Variants in SVOPL observed in about 807,000 individuals in gnomAD.
SVOPL encodes SVOP like.
In SVOPL, 60 loss-of-function variants were observed where a neutral mutation model predicts 61.0. The observed-to-expected ratio is 0.98, with a 90% confidence interval of 0.80 to 1.22. The LOEUF is 1.22. Ranked by LOEUF, SVOPL falls within the 50% of genes most tolerant of loss-of-function variation. SVOPL has a pLI of 0.00. For missense variants in SVOPL, 662 were observed against 643.9 expected, an observed-to-expected ratio of 1.03 and a Z score of -0.30; for synonymous variants, 279 against 250.0, an observed-to-expected ratio of 1.12 and a Z score of -1.09.
chr7:138,635,873 C>T (rs1271904003), intron 9 of SVOPL, among the ~76,000 whole-genome samples: 1 of 151,646 alleles, frequency 6.6e-6, no homozygotes, highest in Non-Finnish European at 1.5e-5. Context: ...CTTCAGAGAA[C>T]AACCACAAAA....
At chr7:138,646,823 G>A (rs1454048690) in intron 8 of SVOPL, among the ~76,000 whole-genome samples, 2 of 152,142 alleles carry the variant, frequency 1.3e-5, no homozygotes, top group Non-Finnish European at 2.9e-5. Context: ...CTGGCCAGCA[G>A]AAAGTCTTAG....
intron 14 of SVOPL, among the ~76,000 whole-genome samples, chr7:138,611,091 C>A (rs1798978243): frequency 6.6e-6 from 1 of 152,164 alleles, no homozygotes; most frequent in East Asian, 1.9e-4. Flanking sequence ...CTGATTAAAA[C>A]CTTGGCCGGG....
At position 138,649,086 on chromosome 7, in the gene SVOPL, T is replaced by A. The variant is rs370834594; in HGVS notation, c.586A>T (p.Ile196Phe). 8.7e-6 allele frequency: 14 copies of A among 1,612,808 alleles called. No homozygotes were observed. The African/African-American group carries it at 1.7e-4, about 20-fold the overall frequency. ...AGCCAGCGCCACCCGATGGTGGGGA[T>A]GATCACAGAGGCCAAGCCAATGATG... ...LLIIGLASVI[I>F]PTIGWRWLIR... The change falls in exon 8 of 16, where the codon ATC (isoleucine) becomes TTC (phenylalanine). Residue 196 changes from isoleucine (I) to phenylalanine (F), a missense_variant. Ile to Phe is a conservative substitution (Grantham distance 21). Transcript: ENST00000674285.
At chr7:138,596,221 G>A (rs1039921101) in intron 15 of SVOPL, among the ~76,000 whole-genome samples, 196 bp downstream of exon 15, 7 of 150,544 alleles carry the variant, frequency 4.6e-5, no homozygotes, top group Non-Finnish European at 1.0e-4. Context: ...AGAAAAGTGG[G>A]AAGGATAGAA....
At chr7:138,674,801 A>G (rs981806316) in intron 3 of SVOPL, among the ~76,000 whole-genome samples, 1 of 151,366 alleles carries the variant, frequency 6.6e-6, no homozygotes, top group Non-Finnish European at 1.5e-5. Context: ...GCTTGCAGTG[A>G]GCCGAGATCA....
chr7:138,628,273 A>G lies in SVOPL; in HGVS notation c.954T>C (p.Ser318=). ...AGTCCCCCCCAGTCACCACCACCGC[A>G]GAGTCTGACTTTGAACCACAGACCA... is the stretch of plus-strand genomic sequence containing the variant. ...RDLVCGSKSD[S]AVVVTGGDSG... Residue 318 remains serine, a synonymous_variant, in exon 11 of 16, where the codon TCT becomes TCC. Transcript: ENST00000674285. The G allele has an allele frequency of 1.2e-6, 2 of 1,614,200 alleles. No individual in the cohort carries two copies. Among genetic ancestry groups the G allele is most frequent in the Non-Finnish European group, 1.7e-6 (2 of 1,180,038 alleles).
chr7:138,656,783 C>A (rs924962425), intron 6 of SVOPL, among the ~76,000 whole-genome samples: 5 of 152,274 alleles, frequency 3.3e-5, no homozygotes, highest in African/African-American at 1.2e-4. Flanking sequence ...TGGCTCACAC[C>A]TGTAATCTCT....
At chr7:138,662,977 G>A (rs2117084991) in intron 5 of SVOPL, 97 bp downstream of exon 5, 1 of 1,576,672 alleles carries the variant, frequency 6.3e-7, no homozygotes, top group East Asian at 2.3e-5. Flanking sequence ...CTTGGGTATT[G>A]GGAGGGAGAT....
rs192699726 is a variant in SVOPL at position 138,659,980 on chromosome 7, G to C, written c.354C>G (p.Leu118=). Residue 118 remains leucine (L), a synonymous_variant, in exon 6 of 16, where the codon CTC becomes CTG. Transcript: ENST00000674285. ...AATAGGCTCCCCACAGGAACGAGAT[G>C]AGCAGAATCTGAAGCAACAGCAGAA... is the stretch of plus-strand genomic sequence containing the variant. ...ADRYGRWKIL[L]ISFLWGAYFS... is the part of the protein sequence containing the mutation. 1.9e-6 allele frequency: 3 copies of C among 1,551,426 alleles called. No individual in the cohort carries two copies. Among genetic ancestry groups the C allele is most frequent in the Non-Finnish European group, 2.6e-6 (3 of 1,146,966 alleles).
chr7:138,692,288 G>A (rs1457714383), intron 1 of SVOPL, among the ~76,000 whole-genome samples: 1 of 152,160 alleles, frequency 6.6e-6, no homozygotes, highest in African/African-American at 2.4e-5. Context: ...GTGCTGAGAA[G>A]ACTACAAGCA....
intron 13 of SVOPL, among the ~76,000 whole-genome samples, chr7:138,622,158 C>CTATCTA (rs1563096424): frequency 1.7e-3 from 44 of 25,246 alleles, no homozygotes; most frequent in Non-Finnish European, 2.6e-3. Flanking sequence ...ATGTATCTAT[C>CTATCTA]TGTCTATGTA....
intron 9 of SVOPL, 39 bp from the exon 10 acceptor site, chr7:138,630,161 TTAA>T (rs1800109077): frequency 2.0e-6 from 3 of 1,512,642 alleles, no homozygotes; most frequent in Non-Finnish European, 2.8e-6. Context: ...ACTCAGCAGC[TTAA>T]GGATGAACGG....
intron 8 of SVOPL, among the ~76,000 whole-genome samples, chr7:138,647,474 G>A (rs537739842): frequency 6.6e-6 from 1 of 152,200 alleles, no homozygotes; most frequent in East Asian, 1.9e-4. Context: ...AAATTTATAG[G>A]GAGAAAATTC....
chr7:138,599,491 G>A (rs990227784), intron 14 of SVOPL, among the ~76,000 whole-genome samples: 2 of 152,168 alleles, frequency 1.3e-5, no homozygotes, highest in African/African-American at 4.8e-5. Flanking sequence ...GATGATTGAT[G>A]GCCTAGGAAC....
chr7:138,695,108 T>G (rs1051096472), intron 1 of SVOPL, among the ~76,000 whole-genome samples: 3 of 152,226 alleles, frequency 2.0e-5, no homozygotes, highest in African/African-American at 7.2e-5. Context: ...TATCCAAAAC[T>G]GTGTTTAGTC....
chr7:138,638,000 G>A (rs1800579897), intron 9 of SVOPL, among the ~76,000 whole-genome samples: 1 of 151,978 alleles, frequency 6.6e-6, no homozygotes, highest in African/African-American at 2.4e-5. Flanking sequence ...TTGGCCGGGT[G>A]TTGTGGCTCA....
Position 138,617,126 on chromosome 7 carries a change from G to T in SVOPL, c.1353+3920C>A, listed in dbSNP as rs1427723255. ...TGGGATTACAGGCACCCTCCACCACGCCTGGCCTAATTCTTATATTTTTAG... is the reference window on the plus strand; with the variant it reads ...TGGGATTACAGGCACCCTCCACCACTCCTGGCCTAATTCTTATATTTTTAG... On this transcript the variant is annotated intron_variant, in intron 14 of 15. Coordinates refer to ENST00000674285, the MANE Select transcript of SVOPL (RefSeq NM_001139456.2). Among the ~76,000 whole-genome samples the T allele has an allele frequency of 2.6e-5, 4 of 151,966 alleles. 1 individual carries two copies. Among genetic ancestry groups the T allele is most frequent in the Admixed American group, 2.0e-4 (3 of 15,230 alleles).
chr7:138,629,975 A>C, intron 10 of SVOPL, 74 bp downstream of exon 10: 1 of 1,213,826 alleles, frequency 8.2e-7, no homozygotes, highest in South Asian at 1.2e-5. Flanking sequence ...AGTGGCACTC[A>C]CATAGATTTA....
chr7:138,640,985 T>C (rs1800753928), intron 9 of SVOPL, among the ~76,000 whole-genome samples: 1 of 152,030 alleles, frequency 6.6e-6, no homozygotes, highest in Admixed American at 6.6e-5. Flanking sequence ...GGAGGACTGC[T>C]TGACCCCAGG....
Sources: gnomAD v4.1 joint callset for allele counts (sites outside exome capture counted in the v4.1 genomes callset) on GRCh38, gnomAD v4.1.1 for gene constraint, MANE v1.5 for transcripts, NCBI Gene and HGNC (gene_info 2026-07-23, HGNC 2026-07-21) for gene names.